Variants in ADAM12 observed in about 807,000 individuals in gnomAD.
The protein encoded by ADAM12 is ADAM metallopeptidase domain 12, also known as disintegrin and metalloproteinase domain-containing protein 12.
A neutral mutation model predicts 106.4 loss-of-function variants in ADAM12; 70 were observed. The ratio of observed to expected loss-of-function variants is 0.66; its 90% CI spans 0.54 to 0.80. The LOEUF (loss-of-function observed/expected upper bound fraction) is 0.80. ADAM12 is among the 30% of genes least tolerant of loss of function. ADAM12 has a pLI of 0.00. For missense variants in ADAM12, 1,010 were observed against 1,171.9 expected, an observed-to-expected ratio of 0.86 and a Z score of 2.02; for synonymous variants, 420 against 433.5, an observed-to-expected ratio of 0.97 and a Z score of 0.39.
chr10:126,076,919 G>A (rs2133514698), intron 11 of ADAM12, among the ~76,000 whole-genome samples: 1 of 152,202 alleles, frequency 6.6e-6, no homozygotes, highest in East Asian at 1.9e-4. Context: ...ATTTGCCAAA[G>A]CCAAAATAAA....
intron 5 of ADAM12, among the ~76,000 whole-genome samples, chr10:126,123,095 T>C (rs1205154403): frequency 2.6e-5 from 4 of 152,206 alleles, no homozygotes; most frequent in African/African-American, 7.2e-5. Flanking sequence ...CTGCAAACAA[T>C]TGGCAGCCTA....
intron 21 of ADAM12, among the ~76,000 whole-genome samples, chr10:126,031,647 A>G (rs1459850141): frequency 6.6e-6 from 1 of 152,242 alleles, no homozygotes; most frequent in Non-Finnish European, 1.5e-5. Context: ...CCGTCTTCCC[A>G]TGGCAACTTA....
At chr10:126,063,294 C>A (rs904836154) in intron 14 of ADAM12, among the ~76,000 whole-genome samples, 3 of 152,250 alleles carry the variant, frequency 2.0e-5, no homozygotes, top group Non-Finnish European at 4.4e-5. Flanking sequence ...TTTTCCCCCC[C>A]AGAAAGCTCC....
intron 2 of ADAM12, among the ~76,000 whole-genome samples, chr10:126,283,999 A>T (rs1426362594): frequency 6.6e-6 from 1 of 152,152 alleles, no homozygotes; most frequent in Admixed American, 6.5e-5. Context: ...CTTTAGAGAA[A>T]ATGTGATTAA....
intron 2 of ADAM12, among the ~76,000 whole-genome samples, chr10:126,326,750 T>C (rs1353414081): frequency 6.6e-6 from 1 of 152,094 alleles, no homozygotes; most frequent in Non-Finnish European, 1.5e-5. Flanking sequence ...TGCTCACCTC[T>C]CTACACGCTC....
intron 8 of ADAM12, among the ~76,000 whole-genome samples, chr10:126,103,839 C>G (rs1955714094): frequency 6.6e-6 from 1 of 152,244 alleles, no homozygotes; most frequent in Non-Finnish European, 1.5e-5. Context: ...TTTCTTGCCT[C>G]TTGCTGTGGG....
rs901045241 is a variant in ADAM12 at position 126,235,669 on chromosome 10, C to T, written c.260+43246G>A. On this transcript the variant is annotated intron_variant, in intron 3 of 22. Transcript: ENST00000448723. ...GATGCGTGTCTCCTTCTCCAGCCTCCTCATCCCTTTCTGCTCTCCTCCCAC... is the reference window on the plus strand; with the variant it reads ...GATGCGTGTCTCCTTCTCCAGCCTCTTCATCCCTTTCTGCTCTCCTCCCAC... Among the ~76,000 whole-genome samples, 7 of 152,334 alleles carry T rather than the reference C, an allele frequency of 4.6e-5. No individual in the cohort carries two copies. The East Asian group carries it at 7.7e-4, about 17-fold the overall frequency.
Position 126,182,856 on chromosome 10 carries a change from C to T in ADAM12, c.261-27551G>A, listed in dbSNP as rs377502404. On this transcript the variant is annotated intron_variant, in intron 3 of 22. Coordinates refer to ENST00000448723, the MANE Select transcript of ADAM12 (RefSeq NM_001288973.2). ...GTTAATTTTCCCGCCTCCTGGCACG[C>T]AAGCGTGCAATCCACTAGAACAGGG... 3.9e-5 allele frequency among the ~76,000 whole-genome samples: 6 copies of T among 152,344 alleles called. No homozygotes were observed. In the East Asian group the frequency reaches 9.7e-4, roughly 25 times the overall value.
At position 126,043,576 on chromosome 10, in the gene ADAM12, AT is replaced by A. The variant is rs1218820206; in HGVS notation, c.1996-429del. ...GCGGGACCTGACAGATGCTTGGCGC[AT>A]CCCTGTCTCCTTCAGACAGAAGGCT... On this transcript the variant is annotated intron_variant, in intron 17 of 22. Coordinates refer to ENST00000448723, the MANE Select transcript of ADAM12 (RefSeq NM_001288973.2). This position sits in a 1 kb window ranked among gnomAD's most constrained non-coding sequence, Gnocchi z 4.1. Among the ~76,000 whole-genome samples the A allele has an allele frequency of 6.6e-6, 1 of 152,160 alleles. No individual in the cohort carries two copies. The highest frequency in any genetic ancestry group is 1.5e-5 in the Non-Finnish European group (1 of 68,014).
chr10:126,049,277 T>TGCAA lies in ADAM12; in HGVS notation c.1889_1892dup (p.Gly632CysfsTer20). On this transcript the variant is annotated frameshift_variant, in exon 16 of 23. Transcript: ENST00000448723. LOFTEE classifies it high-confidence loss of function. This position sits in a 1 kb window ranked among gnomAD's most constrained non-coding sequence, Gnocchi z 4.4. ...CTTTTCCATCTGCACACTTTGTGCC[T>TGCAA]GCAAGCACAAGCCCTGGGTCCGGCA... 1 of 1,614,210 alleles carries TGCAA rather than the reference T, an allele frequency of 6.2e-7. No homozygotes were observed. The highest frequency in any genetic ancestry group is 8.5e-7 in the Non-Finnish European group (1 of 1,180,030).
chr10:126,052,401 G>A lies in ADAM12; in HGVS notation c.1610-2732C>T, dbSNP rs1954526273. ...AGTTGACATCACTGTGCCATTGCAC[G>A]CAATGCTATTCTGATGTCCTAGATT... On this transcript the variant is annotated intron_variant, in intron 14 of 22. Coordinates refer to ENST00000448723, the MANE Select transcript of ADAM12 (RefSeq NM_001288973.2). 2.6e-5 allele frequency among the ~76,000 whole-genome samples: 4 copies of A among 152,230 alleles called. 1 individual carries two copies. Among genetic ancestry groups the A allele is most frequent in the East Asian group, 1.9e-4 (1 of 5,204 alleles).
At chr10:126,033,716 T>G (rs1030268671) in intron 21 of ADAM12, among the ~76,000 whole-genome samples, 2 of 152,190 alleles carry the variant, frequency 1.3e-5, no homozygotes, top group African/African-American at 2.4e-5. Flanking sequence ...TATCACTTCT[T>G]GCAATAACAT....
intron 2 of ADAM12, among the ~76,000 whole-genome samples, chr10:126,301,932 T>C (rs1300944439): frequency 3.3e-5 from 5 of 152,170 alleles, no homozygotes; most frequent in African/African-American, 1.2e-4. Context: ...TCTTTTCAAA[T>C]TCATGGAACA....
Position 126,098,406 on chromosome 10 carries a change from C to CT in ADAM12, c.996+9dup. On this transcript the variant is annotated intron_variant, in intron 10 of 22. Transcript: ENST00000448723. Reference sequence around the variant, plus strand: ...TCAAGGGGAACCAGCTCCCAATGCCCTTGGCTTACCATGACAATTCCCCCA... The same window carrying CT: ...TCAAGGGGAACCAGCTCCCAATGCCCTTTGGCTTACCATGACAATTCCCCCA... 1 of 1,612,608 alleles carries CT rather than the reference C, an allele frequency of 6.2e-7. No individual in the cohort carries two copies. The highest frequency in any genetic ancestry group is 8.5e-7 in the Non-Finnish European group (1 of 1,178,720).
At chr10:126,099,010 C>A (rs1161345005) in intron 9 of ADAM12, among the ~76,000 whole-genome samples, 1 of 152,184 alleles carries the variant, frequency 6.6e-6, no homozygotes, top group Non-Finnish European at 1.5e-5. Context: ...AAATTATCAA[C>A]CCTGGAGCCG....
chr10:126,311,138 C>CACACACACACACCT (rs1961078504), intron 2 of ADAM12, among the ~76,000 whole-genome samples: 1 of 148,684 alleles, frequency 6.7e-6, no homozygotes, highest in Non-Finnish European at 1.5e-5. Context: ...CACACACACA[C>CACACACACACACCT]CTGCACGCAC....
rs572856617 is a variant in ADAM12 at position 126,152,275 on chromosome 10, A to G, written c.339+2952T>C. 2.0e-5 allele frequency among the ~76,000 whole-genome samples: 3 copies of G among 152,068 alleles called. No individual in the cohort carries two copies. In the South Asian group the frequency reaches 6.2e-4, roughly 32 times the overall value. On this transcript the variant is annotated intron_variant, in intron 4 of 22. Coordinates refer to ENST00000448723, the MANE Select transcript of ADAM12 (RefSeq NM_001288973.2). ...TTTAGCCCATAATGTCTAATCTTTA[A>G]TGCTTTTTTGTTTTGTTTCGGATTT...
rs142597069 is a variant in ADAM12 at position 126,024,644 on chromosome 10, G to A, written c.2530-4819C>T. ...TAAAGTGATGTTTCCAAGATCTAAT[G>A]GTAGCAAGAGGAAGATCATATAAGA... On this transcript the variant is annotated intron_variant, in intron 21 of 22. Transcript: ENST00000448723. Among the ~76,000 whole-genome samples the A allele has an allele frequency of 9.1e-4, 139 of 152,202 alleles. No homozygotes were observed. The East Asian group carries it at 0.02, about 22-fold the overall frequency.
intron 1 of ADAM12, among the ~76,000 whole-genome samples, chr10:126,369,821 C>T (rs948212327): frequency 2.0e-5 from 3 of 152,118 alleles, no homozygotes; most frequent in Non-Finnish European, 4.4e-5. Flanking sequence ...TATTCACTCT[C>T]ATATGTAACC....
Sources: allele counts gnomAD v4.1 joint callset (sites outside exome capture counted in the v4.1 genomes callset), GRCh38; gene constraint gnomAD v4.1.1; non-coding constraint Gnocchi (gnomAD v3.1); transcripts MANE v1.5; gene names NCBI Gene and HGNC (gene_info 2026-07-23, HGNC 2026-07-21).